The following KLHL2 variants were observed in gnomAD, a reference collection of about 807,000 sequenced individuals.
KLHL2 encodes the protein kelch-like protein 2.
In KLHL2, 15 loss-of-function variants were observed where a neutral mutation model predicts 75.8. That is an observed-to-expected ratio of 0.20 (90% CI 0.13 to 0.30). The LOEUF is 0.30. Ranked by LOEUF, KLHL2 falls within the 10% of genes least tolerant of loss-of-function variation. KLHL2 has a pLI of 1.00. For synonymous variants in KLHL2, 214 were observed against 251.9 expected, an observed-to-expected ratio of 0.85 and a Z score of 1.42; for missense variants, 381 against 741.0, an observed-to-expected ratio of 0.51 and a Z score of 5.64.
intron 5 of KLHL2, among the ~76,000 whole-genome samples, chr4:165,271,857 G>C (rs1560790874): frequency 1.3e-5 from 2 of 152,178 alleles, no homozygotes; most frequent in African/African-American, 2.4e-5. Context: ...AACTTCCCCA[G>C]ATTTCAAATG....
intron 6 of KLHL2, 105 bp downstream of exon 6, chr4:165,294,573 C>CAGTG: frequency 1.9e-6 from 1 of 520,342 alleles, no homozygotes; most frequent in Admixed American, 3.3e-5. Flanking sequence ...TAGTGACAGC[C>CAGTG]AGTGATGTTT....
chr4:165,314,924 AC>A (rs1165692129), intron 13 of KLHL2, among the ~76,000 whole-genome samples: 1 of 151,962 alleles, frequency 6.6e-6, no homozygotes, highest in Admixed American at 6.6e-5. Context: ...ACCATTGGAC[AC>A]CCCCCTCCAT....
chr4:165,264,738 ATG>A (rs1189550506), intron 5 of KLHL2, among the ~76,000 whole-genome samples: 3,470 of 75,838 alleles, frequency 0.046, 280 homozygotes, highest in Middle Eastern at 0.087. Context: ...ATATATATAT[ATG>A]TATATATATA....
intron 2 of KLHL2, among the ~76,000 whole-genome samples, chr4:165,225,816 A>G (rs1456266589): frequency 6.6e-6 from 1 of 152,220 alleles, no homozygotes; most frequent in Non-Finnish European, 1.5e-5. Flanking sequence ...AAAAAATTGA[A>G]TACTAAAACT....
At chr4:165,243,032 A>G (rs1223249744) in intron 4 of KLHL2, among the ~76,000 whole-genome samples, 1 of 152,254 alleles carries the variant, frequency 6.6e-6, no homozygotes, top group Non-Finnish European at 1.5e-5. Flanking sequence ...CACAGCAACT[A>G]TTAAATCGTC....
At chr4:165,260,924 G>C (rs566122888) in intron 4 of KLHL2, among the ~76,000 whole-genome samples, 1 of 152,244 alleles carries the variant, frequency 6.6e-6, no homozygotes, top group East Asian at 1.9e-4. Context: ...ACCAATATGT[G>C]CTCCCACCAA....
At chr4:165,260,324 G>A (rs957835977) in intron 4 of KLHL2, among the ~76,000 whole-genome samples, 2 of 152,112 alleles carry the variant, frequency 1.3e-5, no homozygotes, top group African/African-American at 2.4e-5. Context: ...TATTTGTCAA[G>A]CATGTAACCA....
intron 8 of KLHL2, among the ~76,000 whole-genome samples, chr4:165,299,969 C>CA (rs1363691007): frequency 6.6e-6 from 1 of 151,824 alleles, no homozygotes; most frequent in African/African-American, 2.4e-5. Flanking sequence ...AATTATAGTC[C>CA]AAAAAAATCA....
intron 14 of KLHL2, chr4:165,321,516 G>A (rs1746977683): frequency 1.6e-5 from 5 of 308,380 alleles, no homozygotes; most frequent in Non-Finnish European, 2.5e-5. Context: ...TTAATTGACT[G>A]TATCAGTAAG....
At chr4:165,252,030 G>A (rs932930171) in intron 4 of KLHL2, among the ~76,000 whole-genome samples, 3 of 152,170 alleles carry the variant, frequency 2.0e-5, no homozygotes, top group Non-Finnish European at 4.4e-5. Flanking sequence ...ATGTCTCCAT[G>A]GCTGAATCAT....
At chr4:165,214,911 A>G (rs1395805697) in intron 1 of KLHL2, among the ~76,000 whole-genome samples, 1 of 151,660 alleles carries the variant, frequency 6.6e-6, no homozygotes, top group African/African-American at 2.4e-5. Flanking sequence ...TTTTTCTTGG[A>G]GAAGTAAGTA....
At chr4:165,234,591 G>C (rs1452917753) in intron 3 of KLHL2, among the ~76,000 whole-genome samples, 1 of 148,680 alleles carries the variant, frequency 6.7e-6, no homozygotes, top group Non-Finnish European at 1.5e-5. Flanking sequence ...CAGGAGTCCT[G>C]ATTAAAGATC....
chr4:165,258,511 G>A (rs1741384186), intron 4 of KLHL2, among the ~76,000 whole-genome samples: 1 of 152,042 alleles, frequency 6.6e-6, no homozygotes, highest in East Asian at 1.9e-4. Flanking sequence ...TGGTGGCTGG[G>A]GGTTTATTGT....
At chr4:165,223,259 A>T (rs1017306843) in intron 2 of KLHL2, among the ~76,000 whole-genome samples, 13 of 152,270 alleles carry the variant, frequency 8.5e-5, no homozygotes, top group African/African-American at 2.9e-4. Flanking sequence ...ATCCAAAAAC[A>T]GTATCAGACT....
At chr4:165,227,768 G>A (rs1213999347) in intron 2 of KLHL2, among the ~76,000 whole-genome samples, 1 of 152,172 alleles carries the variant, frequency 6.6e-6, no homozygotes, top group East Asian at 1.9e-4. Context: ...TACCTGGAGA[G>A]TATGATCTGG....
intron 9 of KLHL2, among the ~76,000 whole-genome samples, chr4:165,307,264 C>T (rs1158252814): frequency 2.6e-5 from 4 of 152,094 alleles, no homozygotes; most frequent in South Asian, 2.1e-4. Context: ...GCCAAGACCT[C>T]GCCACTGCAC....
Position 165,299,570 on chromosome 4 carries a change from A to G in KLHL2, c.835A>G (p.Met279Val). Residue 279 changes from methionine to valine, a missense_variant, in exon 8 of 15, where the codon ATG becomes GTG. Met to Val is a conservative substitution (Grantham distance 21). Around this residue, in one of 5 missense-constraint regions of KLHL2, gnomAD observed 111 missense variants for 150.1 expected, o/e 0.74. Coordinates refer to ENST00000226725, the MANE Select transcript of KLHL2 (RefSeq NM_007246.4). ...TTGCAAAGATTACCTCATTGAAGCAATGAAGTACCATTTGCTGCCAACAGA... is the reference window on the plus strand; with the variant it reads ...TTGCAAAGATTACCTCATTGAAGCAGTGAAGTACCATTTGCTGCCAACAGA... ...SACKDYLIEA[M>V]KYHLLPTEQR... 2 of 1,613,946 alleles carry G rather than the reference A, an allele frequency of 1.2e-6. No homozygotes were observed. Among genetic ancestry groups the G allele is most frequent in the Non-Finnish European group, 1.7e-6 (2 of 1,179,922 alleles).
At chr4:165,303,802 G>A (rs562783111) in intron 8 of KLHL2, among the ~76,000 whole-genome samples, 2 of 152,060 alleles carry the variant, frequency 1.3e-5, no homozygotes, top group African/African-American at 4.8e-5. Context: ...ATCTCAAAGC[G>A]ATCCAACCGC....
chr4:165,319,155 G>A lies in KLHL2; in HGVS notation c.1753+1186G>A, dbSNP rs1460157635. On this transcript the variant is annotated intron_variant, in intron 14 of 14. Coordinates refer to ENST00000226725, the MANE Select transcript of KLHL2 (RefSeq NM_007246.4). This position sits in a 1 kb window ranked among gnomAD's most constrained non-coding sequence, Gnocchi z 4.5. ...ATAGCCGTCTCCTGTTGCTGTATTG[G>A]TGAGCTCAGCTGTTGTGAGTATCCA... 1.3e-5 allele frequency among the ~76,000 whole-genome samples: 2 copies of A among 152,166 alleles called. No individual in the cohort carries two copies. Among genetic ancestry groups the A allele is most frequent in the Admixed American group, 6.5e-5 (1 of 15,278 alleles).
Sources: allele counts gnomAD v4.1 joint callset (sites outside exome capture counted in the v4.1 genomes callset), GRCh38; gene constraint gnomAD v4.1.1; regional missense constraint gnomAD v4.1.1; non-coding constraint Gnocchi (gnomAD v3.1); transcripts MANE v1.5; gene names NCBI Gene and HGNC (gene_info 2026-07-23, HGNC 2026-07-21).